Variants in TSC2 observed in about 807,000 individuals in gnomAD.
TSC2 encodes TSC complex subunit 2, also known as tuberin.
Under a neutral mutation model 202.2 loss-of-function variants are expected in TSC2, and 29 were observed. That is an observed-to-expected ratio of 0.14 (90% confidence interval 0.11 to 0.20). TSC2 has a LOEUF of 0.20. Among genes scored for constraint, TSC2 ranks in the 10% least tolerant of loss-of-function variants. TSC2 has a pLI of 1.00. For missense variants in TSC2, 2,429 were observed against 2,420.0 expected (o/e 1.00, Z -0.08); for synonymous variants, 1,349 against 1,044.0 (o/e 1.29, Z -5.63).
chr16:2,076,409 C>T, intron 24 of TSC2, 82 bp from the exon 25 acceptor site: 1 of 1,595,858 alleles, frequency 6.3e-7, no homozygotes, highest in Non-Finnish European at 8.6e-7. Context: ...TTGTCCCTGG[C>T]CAGGGGGCAC....
At position 2,088,890 on chromosome 16, in the gene TSC2, C is replaced by A. The variant is rs1312722574; in HGVS notation, c.*280C>A. The A allele has an allele frequency of 4.4e-6, 2 of 454,034 alleles. No individual in the cohort carries two copies. Among genetic ancestry groups the A allele is most frequent in the African/African-American group, 2.4e-5 (1 of 41,648 alleles). 28.1% of individuals were successfully genotyped at this position (454,034 alleles called of 1,614,324 possible). On this transcript the variant is annotated 3_prime_UTR_variant, in exon 42 of 42. Coordinates refer to ENST00000219476, the MANE Select transcript of TSC2 (RefSeq NM_000548.5). ...TCGCGCGTGCGCGCGCGCACACACA[C>A]ACACACACAGTCACCTTCCTCCACC...
At position 2,088,520 on chromosome 16, in the gene TSC2, A is replaced by G. The variant is rs371580877; in HGVS notation, c.5334A>G (p.Ala1778=). 118 of 1,612,582 alleles carry G rather than the reference A, an allele frequency of 7.3e-5. No homozygotes were observed. The highest frequency in any genetic ancestry group is 9.7e-5 in the Non-Finnish European group (115 of 1,180,014). The change falls in exon 42 of 42, where the codon GCA becomes GCG. Residue 1778 remains alanine (A), a synonymous_variant. Coordinates refer to ENST00000219476, the MANE Select transcript of TSC2 (RefSeq NM_000548.5). ...VHPPSHSKAP[A]QTPAEPTPGY... is the part of the protein sequence containing the mutation. ...CTCCGTCCCATAGCAAAGCCCCTGCACAGACTCCAGCCGAGCCCACACCTG... is the reference window on the plus strand; with the variant it reads ...CTCCGTCCCATAGCAAAGCCCCTGCGCAGACTCCAGCCGAGCCCACACCTG...
At position 2,079,259 on chromosome 16, in the gene TSC2, C is replaced by T. The variant is rs781476832; in HGVS notation, c.3132-17C>T. ...AGCTCCACGGGCAAGCTGGGTTTCACGCTCCCTGTCTTCTAGGTCTCCTGT... is the reference window on the plus strand; with the variant it reads ...AGCTCCACGGGCAAGCTGGGTTTCATGCTCCCTGTCTTCTAGGTCTCCTGT... On this transcript the variant is annotated splice_polypyrimidine_tract_variant and intron_variant, in intron 27 of 41. Transcript: ENST00000219476. This position sits in a 1 kb window ranked among gnomAD's most constrained non-coding sequence, Gnocchi z 4.6. The T allele has an allele frequency of 8.1e-6, 13 of 1,612,836 alleles. No individual in the cohort carries two copies. In the Admixed American group the frequency reaches 8.3e-5, roughly 10 times the overall value.
In TSC2 at chr16:2,089,285, C is replaced by G. The variant is rs1266421244; in HGVS notation, c.*675C>G. ...ATTTTAACACCATATAAATTACTGACACGAGACACACAGTGAGACGGTGCA... is the reference window on the plus strand; with the variant it reads ...ATTTTAACACCATATAAATTACTGAGACGAGACACACAGTGAGACGGTGCA... On this transcript the variant is annotated 3_prime_UTR_variant, in exon 42 of 42. Coordinates refer to ENST00000219476, the MANE Select transcript of TSC2 (RefSeq NM_000548.5). 5 of 216,308 alleles carry G rather than the reference C, an allele frequency of 2.3e-5. No homozygotes were observed. The highest frequency in any genetic ancestry group is 1.1e-4 in the East Asian group (1 of 9,382). 13.4% of individuals were successfully genotyped at this position (216,308 alleles called of 1,614,324 possible).
chr16:2,089,379 C>G lies in TSC2; in HGVS notation c.*769C>G. 2.5e-6 allele frequency: 1 copy of G among 403,414 alleles called. No homozygotes were observed. Among genetic ancestry groups the G allele is most frequent in the African/African-American group, 2.0e-5 (1 of 49,760 alleles). The allele number at this position is 403,414 out of a possible 1,614,324, so 25.0% of individuals were successfully genotyped here. On this transcript the variant is annotated 3_prime_UTR_variant, in exon 42 of 42. Transcript: ENST00000219476. The stretch of plus-strand genomic sequence containing the variant: ...GTGGCGGCGGTGCAGGCTAACCCTC[C>G]CTGAAGCCAGCAGCCTTAGCAGTGG...
In TSC2 at chr16:2,084,345, T is replaced by C. The variant is rs1401511520; in HGVS notation, c.4123T>C (p.Ser1375Pro). 6.2e-7 allele frequency: 1 copy of C among 1,612,714 alleles called. No homozygotes were observed. The change falls in exon 34 of 42, where the codon TCC becomes CCC. Residue 1375 changes from serine (S) to proline (P), a missense_variant. Ser to Pro is a moderately conservative substitution (Grantham distance 74). Transcript: ENST00000219476. ...GGGTGGCCGGCCCTCTGTGGACCTC[T>C]CCTTCCAGCCCTCGCAGCCCCTGAG... is the stretch of plus-strand genomic sequence containing the variant. ...SEGGRPSVDLSFQPSQPLSKS... is the reference protein window; with the variant it reads ...SEGGRPSVDLPFQPSQPLSKS...
chr16:2,054,608 C>A, intron 5 of TSC2, 168 bp downstream of exon 5: 2 of 967,082 alleles, frequency 2.1e-6, no homozygotes, highest in Admixed American at 2.0e-5. Context: ...CGGAGTGCCC[C>A]TGAGGCACGT....
chr16:2,070,949 G>C (rs976198024), intron 17 of TSC2, among the ~76,000 whole-genome samples: 4 of 151,930 alleles, frequency 2.6e-5, no homozygotes, highest in African/African-American at 7.3e-5. Context: ...GGGCAGAGCT[G>C]AGACGGCAGG....
intron 19 of TSC2, 53 bp downstream of exon 19, chr16:2,071,987 G>A (rs2151310727): frequency 2.6e-6 from 4 of 1,524,978 alleles, no homozygotes; most frequent in Non-Finnish European, 2.6e-6. Flanking sequence ...AGGAGGACAG[G>A]GAGCTGCCAC....
intron 11 of TSC2, chr16:2,061,634 C>G (rs1331187246): frequency 1.7e-6 from 1 of 603,140 alleles, no homozygotes; most frequent in African/African-American, 1.8e-5. Context: ...TTGAGAGGAT[C>G]TGGGGGGTGT....
intron 7 of TSC2, 47 bp downstream of exon 7, chr16:2,056,291 T>C (rs2085803446): frequency 1.2e-6 from 2 of 1,612,092 alleles, no homozygotes; most frequent in Non-Finnish European, 1.7e-6. Context: ...CCCTGGTTTC[T>C]GGGAGGCTGG....
At chr16:2,075,142 G>C (rs1396666990) in intron 22 of TSC2, 1 of 155,962 alleles carries the variant, frequency 6.4e-6, no homozygotes, top group Non-Finnish European at 1.4e-5. Context: ...AGAATCTCAT[G>C]AACCCAGGAG....
rs781139561 is a variant in TSC2 at position 2,088,474 on chromosome 16, C to G, written c.5288C>G (p.Pro1763Arg). The change falls in exon 42 of 42, where the codon CCC becomes CGC. Residue 1763 changes from proline (P) to arginine (R), a missense_variant. Physicochemically the swap from Pro to Arg is moderately radical, Grantham distance 103 (BLOSUM62 -2). Coordinates refer to ENST00000219476, the MANE Select transcript of TSC2 (RefSeq NM_000548.5). Reference sequence around the variant, plus strand: ...TGCGAGGAAGCCGCCTACTCCAACCCCAGCCTACCTCTGGTGCACCCTCCG... The same window carrying G: ...TGCGAGGAAGCCGCCTACTCCAACCGCAGCCTACCTCTGGTGCACCCTCCG... ...RICEEAAYSN[P>R]SLPLVHPPSH... 2 of 1,612,828 alleles carry G rather than the reference C, an allele frequency of 1.2e-6. No homozygotes were observed. The highest frequency in any genetic ancestry group is 1.3e-5 in the African/African-American group (1 of 74,932).
intron 21 of TSC2, 82 bp from the exon 22 acceptor site, chr16:2,074,118 G>A (rs2088896809): frequency 6.4e-7 from 1 of 1,568,408 alleles, no homozygotes; most frequent in Non-Finnish European, 8.7e-7. Context: ...TTCTCCCGGT[G>A]GAGCACTCGA....
intron 17 of TSC2, 109 bp from the exon 18 acceptor site, chr16:2,071,401 C>T (rs1433079994): frequency 7.2e-6 from 8 of 1,107,706 alleles, no homozygotes; most frequent in Non-Finnish European, 1.1e-5. Flanking sequence ...CAGCAGGTGG[C>T]CTTTTCTGAG....
intron 38 of TSC2, among the ~76,000 whole-genome samples, chr16:2,087,496 G>T (rs1361354462): frequency 1.4e-5 from 2 of 148,078 alleles, no homozygotes; most frequent in African/African-American, 2.6e-5. Flanking sequence ...GGGGGGGGGG[G>T]GGCACCTGGG....
intron 20 of TSC2, 127 bp from the exon 21 acceptor site, chr16:2,072,722 G>A: frequency 6.7e-7 from 1 of 1,492,218 alleles, no homozygotes; most frequent in Non-Finnish European, 9.2e-7. Flanking sequence ...TGGGAGGGAG[G>A]CAAGAAGGCT....
intron 12 of TSC2, 89 bp from the exon 13 acceptor site, chr16:2,062,408 C>A (rs2086749309): frequency 2.3e-6 from 3 of 1,316,700 alleles, no homozygotes; most frequent in African/African-American, 1.5e-5. Context: ...TGGGCTCTGA[C>A]AGCAAACCAG....
intron 32 of TSC2, chr16:2,083,360 GCT>G: frequency 2.1e-6 from 1 of 481,566 alleles, no homozygotes; most frequent in Non-Finnish European, 4.0e-6. Flanking sequence ...TCAGGCTCCC[GCT>G]CTTTTAGAGC....
Sources: gnomAD v4.1 joint callset for allele counts (sites outside exome capture counted in the v4.1 genomes callset) on GRCh38, gnomAD v4.1.1 for gene constraint, Gnocchi (gnomAD v3.1) non-coding constraint, MANE v1.5 for transcripts, NCBI Gene and HGNC (gene_info 2026-07-23, HGNC 2026-07-21) for gene names.